Variants in ATG2B observed in about 807,000 individuals in gnomAD.
ATG2B encodes autophagy related 2B.
In ATG2B, 121 loss-of-function variants were observed where a neutral mutation model predicts 241.3. The ratio of observed to expected loss-of-function variants is 0.50; its 90% CI spans 0.43 to 0.58. The LOEUF is 0.58. Ranked by LOEUF, ATG2B falls within the 20% of genes least tolerant of loss-of-function variation. ATG2B has a pLI of 0.00. For missense variants in ATG2B, 2,306 were observed against 2,491.6 expected (o/e 0.93, Z 1.59); for synonymous variants, 858 against 876.6 (o/e 0.98, Z 0.37).
intron 1 of ATG2B, among the ~76,000 whole-genome samples, chr14:96,348,901 T>C (rs1159700922): frequency 1.3e-5 from 2 of 152,134 alleles, no homozygotes; most frequent in East Asian, 3.9e-4. Flanking sequence ...ACCTACTATG[T>C]ACCCACAAAA....
Position 96,341,555 on chromosome 14 carries a change from C to A in ATG2B, c.891G>T (p.Thr297=). Residue 297 remains threonine (T), a synonymous_variant, in exon 6 of 42, where the codon ACG becomes ACT. Transcript: ENST00000359933. The part of the protein sequence containing the change: ...RLIGRLELSL[T]LKQNEVLPGA... ...CAGGAAGCACTTCATTCTGTTTCAACGTGAGACTCAACTCCAACCTACCAA... is the reference window on the plus strand; with the variant it reads ...CAGGAAGCACTTCATTCTGTTTCAAAGTGAGACTCAACTCCAACCTACCAA... 1 of 1,601,270 alleles carries A rather than the reference C, an allele frequency of 6.2e-7. No individual in the cohort carries two copies. Among genetic ancestry groups the A allele is most frequent in the Non-Finnish European group, 8.5e-7 (1 of 1,172,794 alleles).
At chr14:96,330,690 A>C (rs926235822) in intron 11 of ATG2B, among the ~76,000 whole-genome samples, 3 of 152,164 alleles carry the variant, frequency 2.0e-5, no homozygotes, top group African/African-American at 7.2e-5. Context: ...CTTGAACCTG[A>C]GAGGCAGAGG....
At chr14:96,294,655 G>C (rs561168103) in intron 36 of ATG2B, among the ~76,000 whole-genome samples, 1 of 152,316 alleles carries the variant, frequency 6.6e-6, no homozygotes, top group East Asian at 1.9e-4. Context: ...TGCTGGGCTG[G>C]TACAAACACA....
At chr14:96,316,502 G>T (rs149072287) in intron 21 of ATG2B, 31 bp downstream of exon 21, 1 of 1,596,542 alleles carries the variant, frequency 6.3e-7, no homozygotes, top group East Asian at 2.2e-5. Context: ...CATGTCTAAA[G>T]AGAAGAAACC....
At chr14:96,337,931 G>A (rs1470999448) in intron 6 of ATG2B, among the ~76,000 whole-genome samples, 1 of 152,102 alleles carries the variant, frequency 6.6e-6, no homozygotes, top group East Asian at 1.9e-4. Context: ...CCATTTGTTT[G>A]TGCCATCTAT....
In ATG2B at chr14:96,351,967, T is replaced by A. The variant is rs149055435; in HGVS notation, c.163-4626A>T. ...AATGCATAAATTTATACTGTTTTGA[T>A]CAACTATACACTTAACAATAATTGT... is the stretch of plus-strand genomic sequence containing the variant. On this transcript the variant is annotated intron_variant, in intron 1 of 41. Transcript: ENST00000359933. Among the ~76,000 whole-genome samples, 144 of 151,648 alleles carry A rather than the reference T, an allele frequency of 9.5e-4. 1 individual carries two copies. Among genetic ancestry groups the A allele is most frequent in the African/African-American group, 3.3e-3 (136 of 41,316 alleles).
chr14:96,302,081 G>C lies in ATG2B; in HGVS notation c.5065C>G (p.Pro1689Ala). The C allele has an allele frequency of 6.2e-7, 1 of 1,613,792 alleles. No homozygotes were observed. Among genetic ancestry groups the C allele is most frequent in the Admixed American group, 1.7e-5 (1 of 59,998 alleles). Residue 1689 changes from proline to alanine, a missense_variant, in exon 34 of 42, where the codon CCA becomes GCA. Around this residue, in one of 2 missense-constraint regions of ATG2B, gnomAD observed 1,927 missense variants for 2,011.2 expected, o/e 0.96. Coordinates refer to ENST00000359933, the MANE Select transcript of ATG2B (RefSeq NM_018036.7). Reference protein sequence around the residue: ...MLTVKALHVCPESGRSPQECC... With the variant: ...MLTVKALHVCAESGRSPQECC... Reference sequence around the variant, plus strand: ...TCCTGTGGGGACCTGCCAGATTCTGGACACACGTGTAAGGCTTTCACTGTC... The same window carrying C: ...TCCTGTGGGGACCTGCCAGATTCTGCACACACGTGTAAGGCTTTCACTGTC...
At position 96,283,063 on chromosome 14, in the gene ATG2B, A is replaced by C. The variant is rs1886240749; in HGVS notation, c.*2692T>G. On this transcript the variant is annotated 3_prime_UTR_variant, in exon 42 of 42. Transcript: ENST00000359933. Reference sequence around the variant, plus strand: ...AAGGCAATGTTCAGTGGTGGGCAGAAAGGAAGAGAAAACGGGGGGTTCCGA... The same window carrying C: ...AAGGCAATGTTCAGTGGTGGGCAGACAGGAAGAGAAAACGGGGGGTTCCGA... The C allele has an allele frequency of 6.6e-6, 1 of 152,236 alleles. No homozygotes were observed. The highest frequency in any genetic ancestry group is 1.5e-5 in the Non-Finnish European group (1 of 68,058). The allele number at this position is 152,236 out of a possible 1,614,324, so 9.4% of individuals were successfully genotyped here. A position where few individuals can be genotyped will look rare whatever the true frequency, so the allele number is the denominator to read the frequency against.
Position 96,363,296 on chromosome 14 carries a change from C to T in ATG2B, c.-320G>A. 3.6e-6 allele frequency: 1 copy of T among 279,488 alleles called. No homozygotes were observed. Among genetic ancestry groups the T allele is most frequent in the Non-Finnish European group, 6.9e-6 (1 of 145,662 alleles). The allele number at this position is 279,488 out of a possible 1,614,324, so 17.3% of individuals were successfully genotyped here. On this transcript the variant is annotated 5_prime_UTR_variant, in exon 1 of 42. Coordinates refer to ENST00000359933, the MANE Select transcript of ATG2B (RefSeq NM_018036.7). ...GCTGAGGCAGCCACCGCCACTGCCG[C>T]CGCGCGACGAATTTGTTGTCATCCG...
intron 32 of ATG2B, among the ~76,000 whole-genome samples, chr14:96,303,812 A>G (rs1886861635): frequency 6.6e-6 from 1 of 152,226 alleles, no homozygotes; most frequent in African/African-American, 2.4e-5. Context: ...TGACCTTGGT[A>G]AAATCCCTTA....
At position 96,363,311 on chromosome 14, in the gene ATG2B, G is replaced by A. The variant is rs1037218074; in HGVS notation, c.-335C>T. 3.8e-6 allele frequency: 1 copy of A among 266,070 alleles called. No homozygotes were observed. The highest frequency in any genetic ancestry group is 7.3e-6 in the Non-Finnish European group (1 of 137,062). The allele number at this position is 266,070 out of a possible 1,614,324, so 16.5% of individuals were successfully genotyped here. On this transcript the variant is annotated 5_prime_UTR_variant, in exon 1 of 42. Coordinates refer to ENST00000359933, the MANE Select transcript of ATG2B (RefSeq NM_018036.7). ...GCCACTGCCGCCGCGCGACGAATTTGTTGTCATCCGCGAGGCGCGTTCCCG... is the reference window on the plus strand; with the variant it reads ...GCCACTGCCGCCGCGCGACGAATTTATTGTCATCCGCGAGGCGCGTTCCCG...
In ATG2B at chr14:96,279,826, GGCTGTCACAACTGGGGGA is replaced by G. The variant is rs1886150453; in HGVS notation, c.*5911_*5928del. On this transcript the variant is annotated 3_prime_UTR_variant, in exon 42 of 42. Coordinates refer to ENST00000359933, the MANE Select transcript of ATG2B (RefSeq NM_018036.7). ...TTTGGCCATGTCTGGAGACGTCTTTGGCTGTCACAACTGGGGGAGGGGAGTTTGTTACTGGCATCCAGT... is the reference window on the plus strand; with the variant it reads ...TTTGGCCATGTCTGGAGACGTCTTTGGGGGAGTTTGTTACTGGCATCCAGT... The G allele has an allele frequency of 1.3e-5, 2 of 152,012 alleles. No individual in the cohort carries two copies. The highest frequency in any genetic ancestry group is 4.8e-5 in the African/African-American group (2 of 41,316). The allele number at this position is 152,012 out of a possible 1,614,324, so 9.4% of individuals were successfully genotyped here.
chr14:96,299,099 G>A (rs1886721765), intron 34 of ATG2B, among the ~76,000 whole-genome samples: 1 of 152,114 alleles, frequency 6.6e-6, no homozygotes, highest in African/African-American at 2.4e-5. Context: ...GTGCAAACTG[G>A]TGCTGCTCCA....
intron 6 of ATG2B, among the ~76,000 whole-genome samples, chr14:96,337,480 T>C (rs1298401355): frequency 6.6e-6 from 1 of 152,132 alleles, no homozygotes; most frequent in Non-Finnish European, 1.5e-5. Flanking sequence ...CTCATATGCT[T>C]TTGGTGGGAA....
intron 5 of ATG2B, 40 bp from the exon 6 acceptor site, chr14:96,341,741 C>T (rs757463331): frequency 2.3e-6 from 3 of 1,331,248 alleles, no homozygotes; most frequent in Non-Finnish European, 3.0e-6. Flanking sequence ...AAAATACTTT[C>T]ATATAAATAA....
intron 36 of ATG2B, among the ~76,000 whole-genome samples, chr14:96,294,558 T>G (rs1012108940): frequency 2.0e-5 from 3 of 150,990 alleles, no homozygotes; most frequent in African/African-American, 7.3e-5. Flanking sequence ...ACAGAGAAAA[T>G]AGGTAGAAAA....
At chr14:96,353,585 C>T (rs1199778164) in intron 1 of ATG2B, among the ~76,000 whole-genome samples, 2 of 151,882 alleles carry the variant, frequency 1.3e-5, no homozygotes, top group African/African-American at 2.4e-5. Context: ...GAGATTGTGC[C>T]ACTGCATTCC....
chr14:96,322,378 A>G (rs1887481974), intron 17 of ATG2B, 124 bp from the exon 18 acceptor site: 5 of 1,343,368 alleles, frequency 3.7e-6, no homozygotes, highest in Non-Finnish European at 4.1e-6. Context: ...ATTTAACTAG[A>G]GAAAATATAC....
intron 41 of ATG2B, among the ~76,000 whole-genome samples, chr14:96,286,219 G>A (rs1475393239): frequency 1.3e-5 from 2 of 152,070 alleles, no homozygotes; most frequent in East Asian, 3.9e-4. Flanking sequence ...ACACTAGTGC[G>A]TGGAAAATGT....
Sources: gnomAD v4.1 joint callset for allele counts (sites outside exome capture counted in the v4.1 genomes callset) on GRCh38, gnomAD v4.1.1 for gene constraint, gnomAD v4.1.1 regional missense constraint, MANE v1.5 for transcripts, NCBI Gene and HGNC (gene_info 2026-07-23, HGNC 2026-07-21) for gene names.